Variants in NIPA1 observed in about 807,000 individuals in gnomAD.
The protein encoded by NIPA1 is magnesium transporter NIPA1.
A neutral mutation model predicts 23.9 loss-of-function variants in NIPA1; 13 were observed. That is an observed-to-expected ratio of 0.54 (90% CI 0.35 to 0.87). The LOEUF is 0.87. NIPA1 is among the 40% of genes least tolerant of loss of function. The probability of loss-of-function intolerance (pLI) is 0.01; values close to 1 mark genes in which losing one functional copy is unlikely to be tolerated. For missense variants in NIPA1, 362 were observed against 429.7 expected (o/e 0.84, Z 1.39); for synonymous variants, 234 against 202.9 (o/e 1.15, Z -1.30).
At chr15:22,797,426 A>ATCTCC (rs1894961521) in intron 1 of NIPA1, among the ~76,000 whole-genome samples, 3 of 150,888 alleles carry the variant, frequency 2.0e-5, no homozygotes, top group African/African-American at 7.3e-5. Context: ...GTTAGCCAGG[A>ATCTCC]TGGTCTCGAT....
In NIPA1 at chr15:22,812,222, A is replaced by AC; in HGVS notation, c.292dup (p.Leu98ProfsTer47). On this transcript the variant is annotated frameshift_variant, in exon 3 of 5. Coordinates refer to ENST00000337435, the MANE Select transcript of NIPA1 (RefSeq NM_144599.5). LOFTEE classifies it high-confidence loss of function. The stretch of plus-strand genomic sequence containing the variant: ...CACGGCGGTCCCCACGGTCCTGGTA[A>AC]CCCCCCTGGGCGCCCTTGGAGTACC... The AC allele has an allele frequency of 1.2e-6, 2 of 1,613,710 alleles. No homozygotes were observed. Among genetic ancestry groups the AC allele is most frequent in the Non-Finnish European group, 1.7e-6 (2 of 1,179,758 alleles).
chr15:22,811,786 G>C (rs1239952067), intron 2 of NIPA1, among the ~76,000 whole-genome samples: 2 of 152,170 alleles, frequency 1.3e-5, no homozygotes, highest in African/African-American at 4.8e-5. Flanking sequence ...GCCTGTCACC[G>C]TGGCCAGCTG....
At chr15:22,808,084 C>T (rs1487978603) in intron 1 of NIPA1, among the ~76,000 whole-genome samples, 1 of 152,042 alleles carries the variant, frequency 6.6e-6, no homozygotes, top group South Asian at 2.1e-4. Flanking sequence ...CCACTGCACC[C>T]GGCCCACTTT....
At chr15:22,798,835 CAAAAAAAA>C (rs1206327395) in intron 1 of NIPA1, among the ~76,000 whole-genome samples, 47 of 73,098 alleles carry the variant, frequency 6.4e-4, no homozygotes, top group African/African-American at 2.6e-3. Context: ...GACTCCGTCT[CAAAAAAAA>C]AAAAAAAAAA....
intron 4 of NIPA1, 41 bp downstream of exon 4, chr15:22,820,514 A>G: frequency 6.5e-7 from 1 of 1,535,316 alleles, no homozygotes; most frequent in Non-Finnish European, 9.0e-7. Context: ...AGTTTGCAGT[A>G]GGAGTGCCAA....
At position 22,819,954 on chromosome 15, in the gene NIPA1, G is replaced by A. The variant is rs1042602810; in HGVS notation, c.318-359G>A. Among the ~76,000 whole-genome samples, 6 of 152,314 alleles carry A rather than the reference G, an allele frequency of 3.9e-5. No homozygotes were observed. In the South Asian group the frequency reaches 6.2e-4, roughly 16 times the overall value. Reference sequence around the variant, plus strand: ...CACACCTATAATTCCAGCACTTTGGGAGTCCAAGGCAAGAGGATCGTTTGA... The same window carrying A: ...CACACCTATAATTCCAGCACTTTGGAAGTCCAAGGCAAGAGGATCGTTTGA... On this transcript the variant is annotated intron_variant, in intron 3 of 4. Transcript: ENST00000337435.
chr15:22,822,072 G>A (rs1013057513), intron 4 of NIPA1, among the ~76,000 whole-genome samples: 3 of 152,246 alleles, frequency 2.0e-5, no homozygotes, highest in African/African-American at 7.2e-5. Flanking sequence ...ACGTGGGGGT[G>A]TAATGTTATT....
chr15:22,817,748 T>C (rs1595644385), intron 3 of NIPA1, among the ~76,000 whole-genome samples: 1 of 151,244 alleles, frequency 6.6e-6, no homozygotes, highest in Non-Finnish European at 1.5e-5. Context: ...GAGCTTGCAG[T>C]GAGCTGAGAT....
At chr15:22,819,018 C>T (rs1276811029) in intron 3 of NIPA1, among the ~76,000 whole-genome samples, 1 of 152,094 alleles carries the variant, frequency 6.6e-6, no homozygotes, top group Non-Finnish European at 1.5e-5. Context: ...GGCAGCTACT[C>T]GGTGGAGCTT....
In NIPA1 at chr15:22,824,113, G is replaced by T. The variant is rs748735198; in HGVS notation, c.864G>T (p.Leu288=). The change falls in exon 5 of 5, where the codon CTG becomes CTT. Residue 288 remains leucine (L), a synonymous_variant. Coordinates refer to ENST00000337435, the MANE Select transcript of NIPA1 (RefSeq NM_144599.5). This position sits in a 1 kb window ranked among gnomAD's most constrained non-coding sequence, Gnocchi z 4.1. ...TCCGGGAGTGGAGCAACGTGGGCCT[G>T]GTGGACTTCTTGGGGATGGCCTGTG... ...ILFREWSNVG[L]VDFLGMACGF... The T allele has an allele frequency of 6.2e-6, 10 of 1,614,110 alleles. No individual in the cohort carries two copies. In the East Asian group the frequency reaches 2.0e-4, roughly 32 times the overall value.
In NIPA1 at chr15:22,817,499, C is replaced by CA. The variant is rs60309093; in HGVS notation, c.318-2797dup. On this transcript the variant is annotated intron_variant, in intron 3 of 4. Transcript: ENST00000337435. ...GGGCAACAAAAGCGAAACTCCGTCT[C>CA]AAAAAAAAAAAAAAAAATTACGGCT... Among the ~76,000 whole-genome samples the CA allele has an allele frequency of 1.5e-3, 183 of 122,982 alleles. 3 individuals are homozygous for CA. The highest frequency in any genetic ancestry group is 3.1e-3 in the African/African-American group (93 of 29,824). 80.7% of individuals were successfully genotyped at this position (122,982 alleles called of 152,430 possible). A position where few individuals can be genotyped will look rare whatever the true frequency, so the allele number is the denominator to read the frequency against.
chr15:22,801,353 T>C (rs1895074283), intron 1 of NIPA1, among the ~76,000 whole-genome samples: 1 of 151,932 alleles, frequency 6.6e-6, no homozygotes, highest in South Asian at 2.1e-4. Context: ...CTACCCGTCA[T>C]GTATCAAGGA....
At chr15:22,817,506 A>C (rs1359300100) in intron 3 of NIPA1, among the ~76,000 whole-genome samples, 1 of 150,496 alleles carries the variant, frequency 6.6e-6, no homozygotes, top group Non-Finnish European at 1.5e-5. Flanking sequence ...TCTCAAAAAA[A>C]AAAAAAAAAA....
chr15:22,812,066 A>G lies in NIPA1; in HGVS notation c.227-97A>G, dbSNP rs1555373297. The G allele has an allele frequency of 1.8e-5, 16 of 896,544 alleles. No individual in the cohort carries two copies. The South Asian group carries it at 2.1e-4, about 12-fold the overall frequency. The allele number at this position is 896,544 out of a possible 1,614,324, so 55.5% of individuals were successfully genotyped here. ...TCTTCACAAGTAATGTGAATGAAGT[A>G]GCCCTTTCAGGGCAGAGCCTAGCGT... On this transcript the variant is annotated intron_variant, in intron 2 of 4. Coordinates refer to ENST00000337435, the MANE Select transcript of NIPA1 (RefSeq NM_144599.5).
Position 22,829,391 on chromosome 15 carries a change from A to T in NIPA1, c.*5152A>T, listed in dbSNP as rs1895710680. On this transcript the variant is annotated 3_prime_UTR_variant, in exon 5 of 5. Transcript: ENST00000337435. ...AGGGTCATGTTGAAAAGTTCAGAAT[A>T]TTTATTTGTCAGAATATAATAATTG... 6.6e-6 allele frequency: 1 copy of T among 152,502 alleles called. No homozygotes were observed. Among genetic ancestry groups the T allele is most frequent in the South Asian group, 2.1e-4 (1 of 4,832 alleles). 9.4% of individuals were successfully genotyped at this position (152,502 alleles called of 1,614,324 possible).
chr15:22,808,325 TCATA>T (rs1895253820), intron 1 of NIPA1, among the ~76,000 whole-genome samples: 2 of 152,208 alleles, frequency 1.3e-5, no homozygotes. Context: ...ACTTTCTGCT[TCATA>T]GGACACCCTG....
chr15:22,827,211 A>G lies in NIPA1; in HGVS notation c.*2972A>G, dbSNP rs1264791832. ...CTCTTGATAGATACTTAAATAGGCTATTTCTCTCCTCTTCTTGGGCAATGC... is the reference window on the plus strand; with the variant it reads ...CTCTTGATAGATACTTAAATAGGCTGTTTCTCTCCTCTTCTTGGGCAATGC... On this transcript the variant is annotated 3_prime_UTR_variant, in exon 5 of 5. Transcript: ENST00000337435. 2 of 152,108 alleles carry G rather than the reference A, an allele frequency of 1.3e-5. No homozygotes were observed. The highest frequency in any genetic ancestry group is 1.5e-5 in the Non-Finnish European group (1 of 68,016). The allele number at this position is 152,108 out of a possible 1,614,324, so 9.4% of individuals were successfully genotyped here.
intron 1 of NIPA1, among the ~76,000 whole-genome samples, chr15:22,790,064 GATTACAGGTCTGAGCCAC>G (rs1471900250): frequency 6.6e-6 from 1 of 151,842 alleles, no homozygotes; most frequent in African/African-American, 2.4e-5. Context: ...AAAGTGGTGG[GATTACAGGTCTGAGCCAC>G]CATGCCCTGT....
At position 22,820,395 on chromosome 15, in the gene NIPA1, G is replaced by A. The variant is rs200145527; in HGVS notation, c.400G>A (p.Val134Ile). The change falls in exon 4 of 5, where the codon GTC becomes ATC. Residue 134 changes from valine to isoleucine, a missense_variant. By Grantham distance (29) the Val-to-Ile change is conservative. Transcript: ENST00000337435. ...LGCLLSCAGS[V>I]VLIIHSPKSE... ...GTGCCTGCTAAGCTGTGCAGGCTCC[G>A]TCGTGCTGATTATCCACTCCCCAAA... 3.7e-6 allele frequency: 6 copies of A among 1,612,144 alleles called. No homozygotes were observed. The highest frequency in any genetic ancestry group is 4.5e-5 in the East Asian group (2 of 44,874).
Sources: allele counts gnomAD v4.1 joint callset (sites outside exome capture counted in the v4.1 genomes callset), GRCh38; gene constraint gnomAD v4.1.1; non-coding constraint Gnocchi (gnomAD v3.1); transcripts MANE v1.5; gene names NCBI Gene and HGNC (gene_info 2026-07-23, HGNC 2026-07-21).